The following MED13L variants were observed in gnomAD, a reference collection of about 807,000 sequenced individuals.
MED13L encodes mediator complex subunit 13L.
Under a neutral mutation model 220.9 loss-of-function variants are expected in MED13L, and 7 were observed. That is an observed-to-expected ratio of 0.03 (90% CI 0.02 to 0.06). MED13L has a LOEUF of 0.06. Among genes scored for constraint, MED13L ranks in the 10% least tolerant of loss-of-function variants. The pLI is 1.00. For missense variants in MED13L, 1,965 were observed against 2,760.5 expected (o/e 0.71, Z 6.46); for synonymous variants, 1,011 against 1,015.2 (o/e 1.00, Z 0.08).
chr12:116,241,541 G>C (rs1870653317), intron 1 of MED13L, among the ~76,000 whole-genome samples: 1 of 152,058 alleles, frequency 6.6e-6, no homozygotes, highest in African/African-American at 2.4e-5. Flanking sequence ...AAAATATTTG[G>C]CATTGTTTCA....
chr12:116,261,671 T>A (rs895374687), intron 1 of MED13L, among the ~76,000 whole-genome samples: 2 of 152,210 alleles, frequency 1.3e-5, no homozygotes, highest in Admixed American at 1.3e-4. Context: ...TTAAGTCTAC[T>A]GTTTAACAAC....
At chr12:116,259,611 T>C (rs1286692591) in intron 1 of MED13L, among the ~76,000 whole-genome samples, 3 of 152,218 alleles carry the variant, frequency 2.0e-5, no homozygotes, top group African/African-American at 7.2e-5. Context: ...TTAAACTGCG[T>C]ATTAGGTACA....
At chr12:116,078,098 C>G (rs922441198) in intron 4 of MED13L, among the ~76,000 whole-genome samples, 4 of 143,530 alleles carry the variant, frequency 2.8e-5, no homozygotes, top group African/African-American at 1.0e-4. Flanking sequence ...GCTGAGATCA[C>G]ACCACTGCAC....
chr12:116,021,190 G>A (rs1235272702), intron 5 of MED13L, among the ~76,000 whole-genome samples: 1 of 152,162 alleles, frequency 6.6e-6, no homozygotes, highest in Non-Finnish European at 1.5e-5. Flanking sequence ...AGTATTCTAT[G>A]ACTTCCATCA....
chr12:116,020,222 C>T (rs1271190803), intron 5 of MED13L, among the ~76,000 whole-genome samples: 1 of 152,092 alleles, frequency 6.6e-6, no homozygotes. Flanking sequence ...GCCTTAGCCA[C>T]AAAAGTATGA....
intron 2 of MED13L, among the ~76,000 whole-genome samples, chr12:116,191,358 T>G (rs1035829602): frequency 6.6e-6 from 1 of 152,092 alleles, no homozygotes; most frequent in African/African-American, 2.4e-5. Context: ...TGAGGCAAAG[T>G]CTCACTCTGT....
At chr12:116,203,098 T>C (rs1882103850) in intron 2 of MED13L, among the ~76,000 whole-genome samples, 1 of 152,184 alleles carries the variant, frequency 6.6e-6, no homozygotes, top group African/African-American at 2.4e-5. Context: ...CCAAATTAAA[T>C]CAGCGTTCTT....
At chr12:115,965,353 T>C (rs536895018) in intron 29 of MED13L, among the ~76,000 whole-genome samples, 1 of 152,288 alleles carries the variant, frequency 6.6e-6, no homozygotes, top group Non-Finnish European at 1.5e-5. Context: ...TCATTTTCTG[T>C]TTTGGCAAAG....
At chr12:116,191,091 C>CA (rs558125739) in intron 2 of MED13L, among the ~76,000 whole-genome samples, 4,030 of 65,516 alleles carry the variant, frequency 0.062, 133 homozygotes, top group African/African-American at 0.15. Context: ...GACTCTGTCT[C>CA]AAAAAAAAAA....
chr12:116,142,220 C>T (rs1188924134), intron 2 of MED13L, among the ~76,000 whole-genome samples: 1 of 152,166 alleles, frequency 6.6e-6, no homozygotes, highest in Non-Finnish European at 1.5e-5. Flanking sequence ...TCTTCTCTAC[C>T]AGAGCTAAAA....
At chr12:116,257,753 C>T (rs891901892) in intron 1 of MED13L, among the ~76,000 whole-genome samples, 2 of 152,178 alleles carry the variant, frequency 1.3e-5, no homozygotes, top group South Asian at 2.1e-4. Flanking sequence ...AGACTTTTAT[C>T]GAGGTGATCA....
At position 115,983,129 on chromosome 12, in the gene MED13L, T is replaced by A. The variant is rs1481209335; in HGVS notation, c.4943A>T (p.Asp1648Val). 1.2e-6 allele frequency: 2 copies of A among 1,613,898 alleles called. No homozygotes were observed. Among genetic ancestry groups the A allele is most frequent in the African/African-American group, 2.7e-5 (2 of 74,912 alleles). ...PGQSSSQPSQ[D>V]GQESVTERER... The stretch of plus-strand genomic sequence containing the variant: ...GTGAATAACATACCTCTCTTGTCCA[T>A]CCTGTGAGGGCTGAGAAGAGCTCTG... The change falls in exon 21 of 31, where the codon GAT becomes GTT. Residue 1648 changes from aspartate (D) to valine (V), a missense_variant. Asp to Val is a radical substitution (Grantham distance 152). Transcript: ENST00000281928.
intron 4 of MED13L, among the ~76,000 whole-genome samples, chr12:116,076,006 C>T (rs549282203): frequency 2.6e-5 from 4 of 151,078 alleles, no homozygotes; most frequent in East Asian, 3.9e-4. Flanking sequence ...CTCCGCCTCC[C>T]GGGTTCACGC....
intron 19 of MED13L, among the ~76,000 whole-genome samples, chr12:115,985,310 A>C (rs1877610849): frequency 6.6e-6 from 1 of 152,218 alleles, no homozygotes; most frequent in South Asian, 2.1e-4. Flanking sequence ...CACTGTTCAG[A>C]AATGAATGTA....
chr12:116,179,927 A>C (rs1037174865), intron 2 of MED13L, among the ~76,000 whole-genome samples: 20 of 152,202 alleles, frequency 1.3e-4, no homozygotes, highest in Non-Finnish European at 2.8e-4. Context: ...TACCTGAAAG[A>C]ACTGTAAAAG....
intron 9 of MED13L, among the ~76,000 whole-genome samples, 190 bp downstream of exon 9, chr12:116,012,607 G>T (rs1385622102): frequency 6.6e-6 from 1 of 152,136 alleles, no homozygotes; most frequent in Non-Finnish European, 1.5e-5. Context: ...TAACAGGGCC[G>T]ATTGTCTAAC....
chr12:116,083,584 AT>A (rs1266300061), intron 4 of MED13L, among the ~76,000 whole-genome samples: 1 of 152,166 alleles, frequency 6.6e-6, no homozygotes, highest in African/African-American at 2.4e-5. Flanking sequence ...AACTTCTGTC[AT>A]TTATTTTCAG....
rs1236669314 is a variant in MED13L at position 115,982,739 on chromosome 12, C to A, written c.4956-136G>T. The stretch of plus-strand genomic sequence containing the variant: ...GATTAAAGGTAAGAGTAACATTTAT[C>A]ACCTTACCAAAATACAGGCAAACCA... On this transcript the variant is annotated intron_variant, in intron 21 of 30. Coordinates refer to ENST00000281928, the MANE Select transcript of MED13L (RefSeq NM_015335.5). The A allele has an allele frequency of 3.4e-6, 3 of 871,770 alleles. No individual in the cohort carries two copies. The African/African-American group carries it at 5.0e-5, about 15-fold the overall frequency. The allele number at this position is 871,770 out of a possible 1,614,324, so 54.0% of individuals were successfully genotyped here.
chr12:116,021,051 C>T (rs1880033467), intron 5 of MED13L, among the ~76,000 whole-genome samples: 1 of 151,994 alleles, frequency 6.6e-6, no homozygotes, highest in Non-Finnish European at 1.5e-5. Context: ...TGCAATAATG[C>T]TTCCAGGAAA....
Sources: gnomAD v4.1 joint callset for allele counts (sites outside exome capture counted in the v4.1 genomes callset) on GRCh38, gnomAD v4.1.1 for gene constraint, MANE v1.5 for transcripts, NCBI Gene and HGNC (gene_info 2026-07-23, HGNC 2026-07-21) for gene names.